UBE3C: variants seen among roughly 807,000 people sequenced by gnomAD.
UBE3C encodes the protein ubiquitin protein ligase E3C.
A neutral mutation model predicts 129.4 loss-of-function variants in UBE3C; 42 were observed. The ratio of observed to expected loss-of-function variants is 0.32; its 90% confidence interval spans 0.25 to 0.42. The LOEUF is 0.42. UBE3C is among the 10% of genes least tolerant of loss of function. UBE3C has a pLI of 1.00. For missense variants in UBE3C, 1,049 were observed against 1,319.1 expected (o/e 0.80, Z 3.17); for synonymous variants, 510 against 492.4 (o/e 1.04, Z -0.47).
chr7:157,209,953 G>A (rs535132122), intron 13 of UBE3C, among the ~76,000 whole-genome samples: 1 of 152,206 alleles, frequency 6.6e-6, no homozygotes, highest in African/African-American at 2.4e-5. Context: ...GGCCAAGGCG[G>A]GTGGATCACG....
intron 10 of UBE3C, among the ~76,000 whole-genome samples, chr7:157,191,687 G>T (rs1808971883): frequency 6.6e-6 from 1 of 152,188 alleles, no homozygotes; most frequent in Non-Finnish European, 1.5e-5. Flanking sequence ...AGCTCTGAGA[G>T]ATTTATAGCT....
At chr7:157,248,971 T>C (rs1796551826) in intron 19 of UBE3C, among the ~76,000 whole-genome samples, 1 of 152,176 alleles carries the variant, frequency 6.6e-6, no homozygotes, top group African/African-American at 2.4e-5. Context: ...CAGCACTGTC[T>C]AGGGGGTGTG....
intron 1 of UBE3C, among the ~76,000 whole-genome samples, chr7:157,156,093 T>C (rs6946947): frequency 0.48 from 72,208 of 151,996 alleles, 19,785 homozygotes; most frequent in African/African-American, 0.77. Context: ...TGGTACCTTA[T>C]TTGCCCCTTT....
chr7:157,265,082 C>T (rs1797040863), intron 22 of UBE3C, among the ~76,000 whole-genome samples: 1 of 152,184 alleles, frequency 6.6e-6, no homozygotes, highest in Non-Finnish European at 1.5e-5. Context: ...CTGTGAACCT[C>T]TTGTGCATAA....
chr7:157,162,385 G>A (rs1402135987), intron 1 of UBE3C, among the ~76,000 whole-genome samples: 4 of 151,890 alleles, frequency 2.6e-5, no homozygotes, highest in Non-Finnish European at 5.9e-5. Flanking sequence ...AGTAGAGACG[G>A]GGTTTCACTG....
chr7:157,152,966 G>A (rs1187442696), intron 1 of UBE3C, among the ~76,000 whole-genome samples: 1 of 152,062 alleles, frequency 6.6e-6, no homozygotes, highest in African/African-American at 2.4e-5. Flanking sequence ...GAGGCTGAGG[G>A]GGGTGGATTG....
intron 13 of UBE3C, among the ~76,000 whole-genome samples, chr7:157,210,005 C>T (rs1351632814): frequency 2.6e-5 from 4 of 152,150 alleles, no homozygotes; most frequent in Non-Finnish European, 5.9e-5. Context: ...ATGGTGAAAC[C>T]CCATCTCTAC....
chr7:157,231,279 A>G lies in UBE3C; in HGVS notation c.2433A>G (p.Gly811=), dbSNP rs902942797. The G allele has an allele frequency of 2.5e-6, 4 of 1,614,052 alleles. No homozygotes were observed. In the African/African-American group the frequency reaches 5.3e-5, roughly 22 times the overall value. Residue 811 remains glycine, a synonymous_variant, in exon 18 of 23, where the codon GGA becomes GGG. Transcript: ENST00000348165. ...ACCCGGCTGCTCAGATGCTTGTGGGAGATTCTTTTGCCAGACATTACTACT... is the reference window on the plus strand; with the variant it reads ...ACCCGGCTGCTCAGATGCTTGTGGGGGATTCTTTTGCCAGACATTACTACT... ...YPNPAAQMLV[G]DSFARHYYFL...
intron 11 of UBE3C, among the ~76,000 whole-genome samples, chr7:157,205,021 A>G (rs1428326754): frequency 6.6e-6 from 1 of 152,214 alleles, no homozygotes; most frequent in African/African-American, 2.4e-5. Context: ...TCAGTAATTC[A>G]CCTAGCTCCC....
At chr7:157,264,917 T>C (rs1467657977) in intron 22 of UBE3C, among the ~76,000 whole-genome samples, 1 of 152,230 alleles carries the variant, frequency 6.6e-6, no homozygotes, top group Admixed American at 6.5e-5. Context: ...TGTTCAGTTT[T>C]CTAGGCTACC....
intron 22 of UBE3C, among the ~76,000 whole-genome samples, chr7:157,257,344 T>G (rs1402334577): frequency 6.6e-6 from 1 of 152,198 alleles, no homozygotes; most frequent in African/African-American, 2.4e-5. Flanking sequence ...GTCTCATAAA[T>G]CTGTAACACA....
chr7:157,239,314 A>C (rs1402016964), intron 18 of UBE3C, among the ~76,000 whole-genome samples: 1 of 152,236 alleles, frequency 6.6e-6, no homozygotes, highest in African/African-American at 2.4e-5. Context: ...GCACAGACCT[A>C]ACATTGAGTT....
chr7:157,162,771 G>T (rs1808106873), intron 1 of UBE3C, among the ~76,000 whole-genome samples: 1 of 151,896 alleles, frequency 6.6e-6, no homozygotes, highest in African/African-American at 2.4e-5. Flanking sequence ...TCCTGCCTTG[G>T]CTTCCCAAAG....
chr7:157,191,255 G>A (rs1563049456), intron 10 of UBE3C, among the ~76,000 whole-genome samples: 1 of 152,174 alleles, frequency 6.6e-6, no homozygotes, highest in African/African-American at 2.4e-5. Context: ...ACGCGCGTGT[G>A]TATGTGTGTG....
chr7:157,246,370 C>T (rs776989281), intron 18 of UBE3C, among the ~76,000 whole-genome samples: 9 of 152,184 alleles, frequency 5.9e-5, no homozygotes, highest in Non-Finnish European at 1.2e-4. Context: ...AGCACAGTCC[C>T]GGCTCTCTGG....
intron 13 of UBE3C, among the ~76,000 whole-genome samples, chr7:157,212,405 C>G (rs142289236): frequency 4.6e-5 from 7 of 152,278 alleles, no homozygotes; most frequent in African/African-American, 1.7e-4. Context: ...AGAAATGTCA[C>G]AATTTAGGAT....
At chr7:157,149,096 G>A (rs1223352915) in intron 1 of UBE3C, among the ~76,000 whole-genome samples, 2 of 151,730 alleles carry the variant, frequency 1.3e-5, no homozygotes, top group Non-Finnish European at 2.9e-5. Context: ...TGCTCTTGTC[G>A]CCCAGGCTGG....
At chr7:157,188,393 G>A (rs532494697) in intron 10 of UBE3C, among the ~76,000 whole-genome samples, 1 of 152,356 alleles carries the variant, frequency 6.6e-6, no homozygotes, top group African/African-American at 2.4e-5. Context: ...ACTCACTGGT[G>A]TTTATTACCA....
intron 1 of UBE3C, among the ~76,000 whole-genome samples, chr7:157,145,410 C>T (rs1021607664): frequency 1.3e-5 from 2 of 151,408 alleles, no homozygotes; most frequent in Non-Finnish European, 2.9e-5. Flanking sequence ...TGCAGCTACT[C>T]AGGAGGCTGA....
Sources: gnomAD v4.1 joint callset for allele counts (sites outside exome capture counted in the v4.1 genomes callset) on GRCh38, gnomAD v4.1.1 for gene constraint, MANE v1.5 for transcripts, NCBI Gene and HGNC (gene_info 2026-07-23, HGNC 2026-07-21) for gene names.